Variants in PTPRD observed in about 807,000 individuals in gnomAD.
PTPRD encodes receptor-type tyrosine-protein phosphatase delta.
In PTPRD, 34 loss-of-function variants were observed where a neutral mutation model predicts 214.5. The ratio of observed to expected loss-of-function variants is 0.16; its 90% CI spans 0.12 to 0.21. PTPRD has a LOEUF of 0.21. PTPRD is among the 10% of genes least tolerant of loss of function. The pLI, the probability that PTPRD is intolerant of heterozygous loss-of-function variation, is 1.00. For synonymous variants in PTPRD, 1,128 were observed against 845.7 expected (o/e 1.33, Z -5.79); for missense variants, 2,545 against 2,398.7 (o/e 1.06, Z -1.27).
At chr9:9,266,081 G>A (rs1393955053) in intron 9 of PTPRD, among the ~76,000 whole-genome samples, 2 of 151,440 alleles carry the variant, frequency 1.3e-5, no homozygotes, top group South Asian at 2.1e-4. Flanking sequence ...AGGGGTAGGG[G>A]TAACTATAAG....
At chr9:9,627,971 A>G (rs1054053476) in intron 7 of PTPRD, among the ~76,000 whole-genome samples, 1 of 151,856 alleles carries the variant, frequency 6.6e-6, no homozygotes, top group African/African-American at 2.4e-5. Flanking sequence ...TGGCACATCA[A>G]TGTATTCAAG....
chr9:10,515,578 T>TA (rs143916525), intron 2 of PTPRD, among the ~76,000 whole-genome samples: 77,291 of 151,290 alleles, frequency 0.51, 20,408 homozygotes, highest in Non-Finnish European at 0.58. Context: ...AATTTTTATT[T>TA]AAAATTTGTA....
intron 4 of PTPRD, among the ~76,000 whole-genome samples, chr9:9,964,333 T>C (rs1046114254): frequency 2.0e-5 from 3 of 152,206 alleles, no homozygotes; most frequent in African/African-American, 7.2e-5. Flanking sequence ...ATGCATGATG[T>C]ATTTTGAAGA....
At chr9:10,328,008 A>G (rs1179513936) in intron 3 of PTPRD, among the ~76,000 whole-genome samples, 1 of 151,746 alleles carries the variant, frequency 6.6e-6, no homozygotes, top group Non-Finnish European at 1.5e-5. Flanking sequence ...AAGAGATAAT[A>G]CTTATATATT....
At chr9:8,927,979 T>A (rs897659015) in intron 11 of PTPRD, among the ~76,000 whole-genome samples, 6 of 152,218 alleles carry the variant, frequency 3.9e-5, no homozygotes, top group African/African-American at 7.2e-5. Flanking sequence ...CTTTTTTTCA[T>A]ATTTGTTGGC....
intron 2 of PTPRD, among the ~76,000 whole-genome samples, chr9:10,474,766 G>C (rs2099052150): frequency 6.6e-6 from 1 of 151,998 alleles, no homozygotes; most frequent in Non-Finnish European, 1.5e-5. Flanking sequence ...CAAAAGAATG[G>C]AAATCATAAC....
intron 8 of PTPRD, among the ~76,000 whole-genome samples, chr9:9,571,915 A>G (rs887239849): frequency 6.6e-6 from 1 of 151,306 alleles, no homozygotes; most frequent in Non-Finnish European, 1.5e-5. Flanking sequence ...ACATAGAACA[A>G]TGTAACACCT....
intron 5 of PTPRD, among the ~76,000 whole-genome samples, chr9:9,899,275 G>A (rs1015026113): frequency 2.0e-5 from 3 of 151,764 alleles, no homozygotes; most frequent in East Asian, 1.9e-4. Flanking sequence ...ACTATGAAAT[G>A]GGAAAAAAGT....
rs76075168 is a variant in PTPRD at position 8,569,449 on chromosome 9, C to G, written c.353-40670G>C. Among the ~76,000 whole-genome samples, 1,488 of 152,214 alleles carry G rather than the reference C, an allele frequency of 9.8e-3. 27 individuals carry two copies. Among genetic ancestry groups the G allele is most frequent in the African/African-American group, 0.034 (1,400 of 41,534 alleles). ...GGAAGAACTTTACTAACCTCTACCT[C>G]AGAAGAACTCTTTCTCTTTGAGGAG... On this transcript the variant is annotated intron_variant, in intron 14 of 45. Coordinates refer to ENST00000381196, the MANE Select transcript of PTPRD (RefSeq NM_002839.4).
At chr9:8,716,893 T>A (rs747634042) in intron 12 of PTPRD, among the ~76,000 whole-genome samples, 1 of 152,270 alleles carries the variant, frequency 6.6e-6, no homozygotes. Context: ...TAAACTTGTA[T>A]GAGAATTGAA....
At chr9:9,175,622 CAAAAAAAAAAAAAAAA>C (rs55707715) in intron 10 of PTPRD, among the ~76,000 whole-genome samples, 2 of 45,274 alleles carry the variant, frequency 4.4e-5, no homozygotes, top group African/African-American at 1.8e-4. Context: ...GACTCTGTCT[CAAAAAAAAAAAAAAAA>C]AAAAAAAAAA....
intron 7 of PTPRD, among the ~76,000 whole-genome samples, chr9:9,673,442 T>C (rs922175687): frequency 4.0e-5 from 6 of 151,838 alleles, no homozygotes; most frequent in African/African-American, 1.4e-4. Flanking sequence ...GAAATGTAAC[T>C]CTTGAAATAA....
chr9:8,732,779 C>G (rs917475014), intron 12 of PTPRD, among the ~76,000 whole-genome samples: 5 of 152,112 alleles, frequency 3.3e-5, no homozygotes, highest in African/African-American at 1.2e-4. Flanking sequence ...TGAGGGAATT[C>G]CTGTCAAAAT....
At chr9:9,474,747 G>A (rs113551556) in intron 8 of PTPRD, among the ~76,000 whole-genome samples, 2,324 of 151,536 alleles carry the variant, frequency 0.015, 48 homozygotes, top group African/African-American at 0.052. Context: ...GTTTGTTATT[G>A]GTGTATAGAA....
intron 5 of PTPRD, among the ~76,000 whole-genome samples, chr9:9,807,923 A>ATT (rs1197020916): frequency 9.2e-5 from 14 of 152,244 alleles, no homozygotes; most frequent in African/African-American, 3.4e-4. Context: ...CAGTTTTTAT[A>ATT]TTGTATTTTC....
chr9:8,772,832 G>A (rs1299132918), intron 11 of PTPRD, among the ~76,000 whole-genome samples: 1 of 151,636 alleles, frequency 6.6e-6, no homozygotes, highest in Non-Finnish European at 1.5e-5. Context: ...TTTATTTTGG[G>A]GGTGCTAGAT....
intron 2 of PTPRD, among the ~76,000 whole-genome samples, chr9:10,611,254 G>C (rs1191365864): frequency 6.6e-6 from 1 of 152,140 alleles, no homozygotes; most frequent in Non-Finnish European, 1.5e-5. Context: ...CTTAGGATTT[G>C]TTAAAAATCA....
At chr9:9,169,971 GTTGATAT>G (rs2099911405) in intron 10 of PTPRD, among the ~76,000 whole-genome samples, 1 of 152,136 alleles carries the variant, frequency 6.6e-6, no homozygotes, top group Admixed American at 6.6e-5. Flanking sequence ...ATTAGAAGGG[GTTGATAT>G]TTGTCATTTT....
At chr9:10,300,142 T>C (rs2095815792) in intron 3 of PTPRD, among the ~76,000 whole-genome samples, 1 of 152,140 alleles carries the variant, frequency 6.6e-6, no homozygotes, top group African/African-American at 2.4e-5. Context: ...TAAACATAAG[T>C]AGTAAGAAAA....
Sources: gnomAD v4.1 joint callset for allele counts (sites outside exome capture counted in the v4.1 genomes callset) on GRCh38, gnomAD v4.1.1 for gene constraint, MANE v1.5 for transcripts, NCBI Gene and HGNC (gene_info 2026-07-23, HGNC 2026-07-21) for gene names.